The following PCDH15 variants were observed in gnomAD, a reference collection of about 807,000 sequenced individuals.
The protein encoded by PCDH15 is protocadherin-15.
In PCDH15, 129 loss-of-function variants were observed where a neutral mutation model predicts 178.5. The observed-to-expected ratio is 0.72, with a 90% CI of 0.63 to 0.84. PCDH15 has a LOEUF of 0.84. Among genes scored for constraint, PCDH15 ranks in the 40% least tolerant of loss-of-function variants. The pLI is 0.00. For synonymous variants in PCDH15, 800 were observed against 732.0 expected, an observed-to-expected ratio of 1.09 and a Z score of -1.50; for missense variants, 2,230 against 2,099.9, an observed-to-expected ratio of 1.06 and a Z score of -1.21.
At chr10:53,818,546 A>C (rs2076145888) in intron 33 of PCDH15, among the ~76,000 whole-genome samples, 1 of 152,114 alleles carries the variant, frequency 6.6e-6, no homozygotes, top group Admixed American at 6.5e-5. Context: ...GGTCAATTAT[A>C]ATATTAGAAA....
chr10:55,296,415 C>T (rs1843134167), intron 1 of PCDH15, among the ~76,000 whole-genome samples: 1 of 152,160 alleles, frequency 6.6e-6, no homozygotes, highest in African/African-American at 2.4e-5. Flanking sequence ...ATCTTATTAG[C>T]ATAACCTTGG....
intron 9 of PCDH15, among the ~76,000 whole-genome samples, chr10:54,221,415 A>G (rs1026678149): frequency 2.0e-5 from 3 of 152,228 alleles, no homozygotes; most frequent in Non-Finnish European, 4.4e-5. Flanking sequence ...TAGAATTTTA[A>G]TTACACGTGT....
chr10:54,256,691 A>G (rs1402204638), intron 8 of PCDH15, among the ~76,000 whole-genome samples: 1 of 152,084 alleles, frequency 6.6e-6, no homozygotes, highest in Non-Finnish European at 1.5e-5. Flanking sequence ...ATTCCTTAGT[A>G]TCTCTGGTTT....
rs80203563 is a variant in PCDH15 at position 54,305,830 on chromosome 10, G to GA, written c.876+11440dup. 1.7e-3 allele frequency among the ~76,000 whole-genome samples: 247 copies of GA among 147,890 alleles called. 1 individual carries two copies. Among genetic ancestry groups the GA allele is most frequent in the Middle Eastern group, 3.5e-3 (1 of 288 alleles). Reference sequence around the variant, plus strand: ...GAAAATAGCAGAAGAGAATATTCTGGAAAAAAAAAATGGCACACAAAGACA... The same window carrying GA: ...GAAAATAGCAGAAGAGAATATTCTGGAAAAAAAAAAATGGCACACAAAGACA... On this transcript the variant is annotated intron_variant, in intron 8 of 37. Transcript: ENST00000644397.
intron 21 of PCDH15, among the ~76,000 whole-genome samples, chr10:53,970,965 A>C (rs1239927110): frequency 1.3e-5 from 2 of 152,198 alleles, no homozygotes; most frequent in East Asian, 1.9e-4. Context: ...CTGATACTAA[A>C]GCTGGCAGAG....
At chr10:54,604,232 G>C (rs745335109) in intron 2 of PCDH15, among the ~76,000 whole-genome samples, 1 of 151,910 alleles carries the variant, frequency 6.6e-6, no homozygotes, top group Non-Finnish European at 1.5e-5. Context: ...ATATGTGCTT[G>C]AAAAGAATGT....
rs995967760 is a variant in PCDH15, at chr10:55,354,564, A to G, written c.-155-187913T>C. ...ATAAGATAATTATCCTTTTATTCAC[A>G]TAAGTCATAAACAGTTTATAAGAAT... On this transcript the variant is annotated intron_variant, in intron 2 of 5. Coordinates refer to the PCDH15 transcript ENST00000613346. Among the ~76,000 whole-genome samples the G allele has an allele frequency of 6.6e-5, 10 of 152,186 alleles. No individual in the cohort carries two copies. In the East Asian group the frequency reaches 1.4e-3, roughly 21 times the overall value.
chr10:55,465,944 A>C (rs867668501), intron 2 of PCDH15, among the ~76,000 whole-genome samples: 1 of 152,146 alleles, frequency 6.6e-6, no homozygotes, highest in African/African-American at 2.4e-5. Flanking sequence ...GAGGGGAAAA[A>C]ACTTGTCACT....
At chr10:54,533,866 A>C (rs1410618502) in intron 2 of PCDH15, among the ~76,000 whole-genome samples, 1 of 152,194 alleles carries the variant, frequency 6.6e-6, no homozygotes, top group Non-Finnish European at 1.5e-5. Flanking sequence ...AAGATGTTAA[A>C]GAAATGGGTT....
At chr10:55,106,503 C>A (rs1444304448) in intron 2 of PCDH15, among the ~76,000 whole-genome samples, 2 of 152,140 alleles carry the variant, frequency 1.3e-5, no homozygotes, top group African/African-American at 4.8e-5. Context: ...GCAACTTCAG[C>A]CTCCTGGGTT....
intron 15 of PCDH15, among the ~76,000 whole-genome samples, chr10:54,096,020 C>T (rs1411839537): frequency 6.6e-6 from 1 of 152,094 alleles, no homozygotes; most frequent in African/African-American, 2.4e-5. Context: ...ATTTAATCCT[C>T]AAAACAATCT....
intron 2 of PCDH15, among the ~76,000 whole-genome samples, chr10:55,034,808 A>T (rs1171496516): frequency 6.6e-6 from 1 of 152,186 alleles, no homozygotes; most frequent in East Asian, 1.9e-4. Context: ...GAAATCTTAT[A>T]TTGCAATTAT....
At chr10:54,259,047 ATCT>A (rs1229551378) in intron 8 of PCDH15, among the ~76,000 whole-genome samples, 3 of 152,156 alleles carry the variant, frequency 2.0e-5, no homozygotes, top group African/African-American at 4.8e-5. Context: ...TTTATAGAAA[ATCT>A]TCTTGAGAAA....
chr10:55,261,624 C>T (rs1842146701), intron 1 of PCDH15, among the ~76,000 whole-genome samples: 2 of 152,064 alleles, frequency 1.3e-5, no homozygotes, highest in African/African-American at 4.8e-5. Flanking sequence ...GGAAATGGGT[C>T]AAGAATAACC....
At chr10:55,198,083 A>T (rs1840144262) in intron 1 of PCDH15, among the ~76,000 whole-genome samples, 1 of 152,166 alleles carries the variant, frequency 6.6e-6, no homozygotes, top group African/African-American at 2.4e-5. Flanking sequence ...TAAGAAATCA[A>T]TGGACCAAAC....
chr10:55,304,497 T>G (rs1280472768), intron 1 of PCDH15, among the ~76,000 whole-genome samples: 1 of 152,184 alleles, frequency 6.6e-6, no homozygotes, highest in African/African-American at 2.4e-5. Context: ...ACATAACATG[T>G]TTTTAAGTTG....
chr10:54,731,563 T>TATATATATATATATATATATATATATAC lies in PCDH15; in HGVS notation c.-28-67274_-28-67273insGTATATATATATATATATATATATATAT. ...TGAGATAGATATATATATATATATA[T>TATATATATATATATATATATATATATAC]ACACACACACACACACACACACACA... is the stretch of plus-strand genomic sequence containing the variant. On this transcript the variant is annotated intron_variant, in intron 1 of 37. Coordinates refer to ENST00000644397, the MANE Select transcript of PCDH15 (RefSeq NM_001384140.1). Among the ~76,000 whole-genome samples the TATATATATATATATATATATATATATAC allele has an allele frequency of 1.2e-4, 6 of 49,876 alleles. 1 individual carries two copies. Among genetic ancestry groups the TATATATATATATATATATATATATATAC allele is most frequent in the Non-Finnish European group, 2.6e-4 (5 of 18,938 alleles). 32.7% of individuals were successfully genotyped at this position (49,876 alleles called of 152,430 possible).
intron 26 of PCDH15, among the ~76,000 whole-genome samples, chr10:53,881,488 G>A (rs930013863): frequency 8.6e-5 from 13 of 152,024 alleles, no homozygotes; most frequent in Non-Finnish European, 1.9e-4. Flanking sequence ...AATTTTCTTA[G>A]CTTAGGCAGC....
intron 1 of PCDH15, among the ~76,000 whole-genome samples, chr10:55,263,977 G>C (rs1378975208): frequency 6.9e-6 from 1 of 143,998 alleles, no homozygotes; most frequent in Non-Finnish European, 1.5e-5. Flanking sequence ...CTCGTGATTC[G>C]CCCGCCTCGG....
Sources: allele counts gnomAD v4.1 joint callset (sites outside exome capture counted in the v4.1 genomes callset), GRCh38; gene constraint gnomAD v4.1.1; transcripts MANE v1.5; gene names NCBI Gene and HGNC (gene_info 2026-07-23, HGNC 2026-07-21).